Variants in NHSL1 observed in about 807,000 individuals in gnomAD.
The protein encoded by NHSL1 is NHS like 1.
A neutral mutation model predicts 95.0 loss-of-function variants in NHSL1; 48 were observed. The ratio of observed to expected loss-of-function variants is 0.51; its 90% confidence interval spans 0.40 to 0.64. The LOEUF is 0.64. Among genes scored for constraint, NHSL1 ranks in the 30% least tolerant of loss-of-function variants. The pLI, the probability that NHSL1 is intolerant of heterozygous loss-of-function variation, is 0.00. For missense variants in NHSL1, 1,971 were observed against 2,077.7 expected (o/e 0.95, Z 1.00); for synonymous variants, 783 against 833.9 (o/e 0.94, Z 1.05).
chr6:138,495,596 C>T (rs1339440218), intron 2 of NHSL1, among the ~76,000 whole-genome samples: 3 of 152,142 alleles, frequency 2.0e-5, no homozygotes, highest in Non-Finnish European at 2.9e-5. Flanking sequence ...TTAACACTGG[C>T]GGTTTAAACA....
chr6:138,564,611 C>A (rs1410906320), intron 1 of NHSL1, among the ~76,000 whole-genome samples: 2 of 151,774 alleles, frequency 1.3e-5, no homozygotes, highest in Non-Finnish European at 2.9e-5. Flanking sequence ...GTTAAGTTTA[C>A]CCATTCAGCA....
chr6:138,598,506 A>T (rs964872753), intron 1 of NHSL1, among the ~76,000 whole-genome samples: 1 of 151,536 alleles, frequency 6.6e-6, no homozygotes, highest in Non-Finnish European at 1.5e-5. Flanking sequence ...CTGTAGCCCC[A>T]GCTACTCTGG....
intron 1 of NHSL1, among the ~76,000 whole-genome samples, chr6:138,677,046 G>A (rs1364309282): frequency 6.6e-6 from 1 of 152,326 alleles, no homozygotes. Flanking sequence ...CTGATGGACA[G>A]GTTACAGAAG....
At chr6:138,520,024 C>T (rs1583346720) in intron 1 of NHSL1, among the ~76,000 whole-genome samples, 1 of 152,154 alleles carries the variant, frequency 6.6e-6, no homozygotes, top group Middle Eastern at 3.4e-3. Flanking sequence ...TTCCCATAAC[C>T]GTTGGCATTC....
intron 1 of NHSL1, among the ~76,000 whole-genome samples, chr6:138,568,822 T>C (rs1289703736): frequency 6.6e-6 from 1 of 152,222 alleles, no homozygotes; most frequent in Non-Finnish European, 1.5e-5. Context: ...AGCACTATAA[T>C]TTTATCCCTA....
Position 138,553,674 on chromosome 6 carries a change from T to C in NHSL1, c.202+18036A>G, listed in dbSNP as rs149357941. Among the ~76,000 whole-genome samples the C allele has an allele frequency of 6.0e-4, 91 of 152,240 alleles. No individual in the cohort carries two copies. The East Asian group carries it at 7.0e-3, about 12-fold the overall frequency. ...TAGATTCCTATGAAAAGTCATATTT[T>C]CCTTACAATTAAATAGATGTATTTT... On this transcript the variant is annotated intron_variant, in intron 1 of 6. Coordinates refer to the NHSL1 transcript ENST00000427025.
chr6:138,508,631 C>T (rs1029378312), intron 1 of NHSL1, among the ~76,000 whole-genome samples: 9 of 152,214 alleles, frequency 5.9e-5, no homozygotes, highest in African/African-American at 2.2e-4. Context: ...ACTGTCCACA[C>T]TCTTTCCACC....
At chr6:138,484,972 T>C (rs1216704876) in intron 2 of NHSL1, among the ~76,000 whole-genome samples, 1 of 152,176 alleles carries the variant, frequency 6.6e-6, no homozygotes, top group African/African-American at 2.4e-5. Context: ...TGATTTAAAT[T>C]AAGGTGAGAG....
chr6:138,462,426 T>C (rs969242503), intron 3 of NHSL1, among the ~76,000 whole-genome samples: 10 of 152,182 alleles, frequency 6.6e-5, no homozygotes, highest in African/African-American at 2.4e-4. Flanking sequence ...AGAAACTCAC[T>C]ACCAAGCCAG....
At chr6:138,609,121 A>C (rs1018432250) in intron 1 of NHSL1, among the ~76,000 whole-genome samples, 3 of 152,216 alleles carry the variant, frequency 2.0e-5, no homozygotes, top group African/African-American at 7.2e-5. Flanking sequence ...TATGTGCTGG[A>C]GAGTTCCCAA....
chr6:138,532,073 A>G (rs1472973286), intron 1 of NHSL1, among the ~76,000 whole-genome samples: 1 of 152,208 alleles, frequency 6.6e-6, no homozygotes, highest in East Asian at 1.9e-4. Context: ...TTCCAAGAGG[A>G]GGTAACATCT....
At chr6:138,549,389 A>AAG (rs949971200), upstream of NHSL1, among the ~76,000 whole-genome samples, 5 of 152,180 alleles carry the variant, frequency 3.3e-5, no homozygotes, top group African/African-American at 9.6e-5. Context: ...GTCTCAAAAA[A>AAG]AGAGAGAGAG....
At chr6:138,425,947 C>T (rs185614526) in intron 7 of NHSL1, among the ~76,000 whole-genome samples, 155 of 152,170 alleles carry the variant, frequency 1.0e-3, no homozygotes, top group Admixed American at 1.9e-3. Context: ...GTGGGGAAGA[C>T]GAAGGGGCAA....
Position 138,510,923 on chromosome 6 carries a change from C to T in NHSL1, c.17-14552G>A, listed in dbSNP as rs139257040. Among the ~76,000 whole-genome samples, 4 of 152,296 alleles carry T rather than the reference C, an allele frequency of 2.6e-5. No individual in the cohort carries two copies. In the East Asian group the frequency reaches 7.7e-4, roughly 29 times the overall value. On this transcript the variant is annotated intron_variant, in intron 1 of 4. Transcript: ENST00000342260. ...AATGTAGATTTCTGACTTGATGCCA[C>T]AGAAGTACCTCCAGGCTTCTGGGTA...
At chr6:138,493,684 G>A (rs1374165435) in intron 2 of NHSL1, among the ~76,000 whole-genome samples, 1 of 152,222 alleles carries the variant, frequency 6.6e-6, no homozygotes, top group Non-Finnish European at 1.5e-5. Flanking sequence ...TGGGAACGGT[G>A]CCATTTAACA....
chr6:138,435,427 T>C (rs1028383347), intron 5 of NHSL1: 2 of 151,988 alleles, frequency 1.3e-5, no homozygotes, highest in African/African-American at 2.4e-5. Context: ...TGTGAAACCA[T>C]TCTAGGCATG....
chr6:138,500,221 C>G (rs1780600302), upstream of NHSL1, among the ~76,000 whole-genome samples: 1 of 152,128 alleles, frequency 6.6e-6, no homozygotes. Context: ...CATAATCGCC[C>G]TTCCCTCAAT....
In NHSL1 at chr6:138,432,274, A is replaced by G; in HGVS notation, c.2071T>C (p.Cys691Arg). 6.4e-7 allele frequency: 1 copy of G among 1,551,088 alleles called. No individual in the cohort carries two copies. Among genetic ancestry groups the G allele is most frequent in the Non-Finnish European group, 8.7e-7 (1 of 1,146,762 alleles). ...LRRIPKKSSQ[C>R]NGQVLNESLI... ...CTCTCGTTGAGCACCTGCCCGTTGC[A>G]CTGGCTGCTCTTCTTGGGAATCCTG... The change falls in exon 6 of 8, where the codon TGC becomes CGC. Residue 691 changes from cysteine (C) to arginine (R), a missense_variant. Cys to Arg is a radical substitution (Grantham distance 180, BLOSUM62 -3). Transcript: ENST00000343505. This position sits in a 1 kb window ranked among gnomAD's most constrained non-coding sequence, Gnocchi z 4.4.
intron 1 of NHSL1, among the ~76,000 whole-genome samples, chr6:138,551,314 A>G (rs996678635): frequency 6.6e-6 from 1 of 152,228 alleles, no homozygotes; most frequent in Non-Finnish European, 1.5e-5. Flanking sequence ...TTTCATAGCC[A>G]TATCTCTAGA....
Sources: allele counts gnomAD v4.1 joint callset (sites outside exome capture counted in the v4.1 genomes callset), GRCh38; gene constraint gnomAD v4.1.1; non-coding constraint Gnocchi (gnomAD v3.1); transcripts MANE v1.5; gene names NCBI Gene and HGNC (gene_info 2026-07-23, HGNC 2026-07-21).